Variants in RUNX1 observed in about 807,000 individuals in gnomAD.
The protein encoded by RUNX1 is runt-related transcription factor 1.
RUNX1 carries 19 observed loss-of-function variants against 42.8 expected under a neutral mutation model. That is an observed-to-expected ratio of 0.44 (90% CI 0.31 to 0.65). The LOEUF (loss-of-function observed/expected upper bound fraction) is 0.65, where lower values mean the gene tolerates loss of function less well. Among genes scored for constraint, RUNX1 ranks in the 30% least tolerant of loss-of-function variants. The pLI is 0.07. For missense variants in RUNX1, 528 were observed against 672.0 expected, an observed-to-expected ratio of 0.79 and a Z score of 2.37; for synonymous variants, 271 against 289.4, an observed-to-expected ratio of 0.94 and a Z score of 0.64.
At chr21:34,840,779 T>C (rs2057223250) in intron 6 of RUNX1, among the ~76,000 whole-genome samples, 1 of 152,166 alleles carries the variant, frequency 6.6e-6, no homozygotes, top group South Asian at 2.1e-4. Flanking sequence ...AAGAATTCAC[T>C]CTCCCTCTGC....
chr21:35,021,552 G>T (rs928667547), intron 2 of RUNX1, among the ~76,000 whole-genome samples: 2 of 152,196 alleles, frequency 1.3e-5, no homozygotes, highest in Non-Finnish European at 2.9e-5. Context: ...TCTTCCCCAT[G>T]TCAAGCTCTG....
chr21:34,996,447 T>C (rs1311276754), intron 2 of RUNX1, among the ~76,000 whole-genome samples: 1 of 152,056 alleles, frequency 6.6e-6, no homozygotes, highest in Non-Finnish European at 1.5e-5. Context: ...TCCTCCTGGG[T>C]TCCTGCTGTG....
chr21:34,842,492 C>CAAA (rs371971118), intron 6 of RUNX1, among the ~76,000 whole-genome samples: 907 of 50,878 alleles, frequency 0.018, 5 homozygotes, highest in African/African-American at 0.021. Flanking sequence ...GAGACCTCTC[C>CAAA]AAAAAAAAAA....
chr21:34,978,383 TG>T lies in RUNX1; in HGVS notation c.58+70458del, dbSNP rs112588143. 7.2e-5 allele frequency among the ~76,000 whole-genome samples: 11 copies of T among 152,312 alleles called. 1 individual carries two copies. Among genetic ancestry groups the T allele is most frequent in the African/African-American group, 2.6e-4 (11 of 41,562 alleles). On this transcript the variant is annotated intron_variant, in intron 2 of 8. Coordinates refer to ENST00000675419, the MANE Select transcript of RUNX1 (RefSeq NM_001754.5). Reference sequence around the variant, plus strand: ...AAGTGGTCCTTGTGGAATAAATGAATGGAAATGTTGTTTTACAAATAAAAAA... The same window carrying T: ...AAGTGGTCCTTGTGGAATAAATGAATGAAATGTTGTTTTACAAATAAAAAA...
chr21:34,810,281 T>C (rs1318018313), intron 7 of RUNX1, among the ~76,000 whole-genome samples: 3 of 152,232 alleles, frequency 2.0e-5, no homozygotes, highest in Non-Finnish European at 4.4e-5. Flanking sequence ...GTCTTCTGCT[T>C]CCATATGACA....
intron 2 of RUNX1, among the ~76,000 whole-genome samples, chr21:34,895,998 T>G (rs1300242873): frequency 6.6e-6 from 1 of 151,200 alleles, no homozygotes; most frequent in Non-Finnish European, 1.5e-5. Flanking sequence ...AAGAGGGGAT[T>G]GAGGTGAGGG....
chr21:34,938,765 T>C (rs2058505220), intron 2 of RUNX1, among the ~76,000 whole-genome samples: 1 of 152,184 alleles, frequency 6.6e-6, no homozygotes. Context: ...GTGCTTGATA[T>C]AATCATTTAT....
intron 2 of RUNX1, among the ~76,000 whole-genome samples, chr21:34,923,400 G>A (rs530649063): frequency 1.3e-5 from 2 of 152,234 alleles, no homozygotes; most frequent in African/African-American, 2.4e-5. Context: ...TGATGAGACC[G>A]GCCCTGTTCA....
At chr21:34,942,591 G>A (rs2058535693) in intron 2 of RUNX1, among the ~76,000 whole-genome samples, 1 of 152,176 alleles carries the variant, frequency 6.6e-6, no homozygotes, top group African/African-American at 2.4e-5. Context: ...TAAATACCAG[G>A]ATCAGACACA....
intron 2 of RUNX1, among the ~76,000 whole-genome samples, chr21:34,924,636 A>C (rs142249817): frequency 0.011 from 1,617 of 152,312 alleles, 35 homozygotes; most frequent in African/African-American, 0.036. Context: ...ACCAAAGAGG[A>C]ACGTGGGAGC....
At chr21:34,968,481 T>G (rs1489781412) in intron 2 of RUNX1, among the ~76,000 whole-genome samples, 5 of 152,092 alleles carry the variant, frequency 3.3e-5, no homozygotes, top group African/African-American at 1.2e-4. Context: ...ATCCTCCACA[T>G]CCTCATGAGG....
At chr21:34,971,940 C>A (rs1025435138) in intron 2 of RUNX1, among the ~76,000 whole-genome samples, 2 of 152,172 alleles carry the variant, frequency 1.3e-5, no homozygotes, top group Non-Finnish European at 2.9e-5. Context: ...TGATCTCAGG[C>A]ATGATTTTAA....
intron 6 of RUNX1, among the ~76,000 whole-genome samples, chr21:34,850,816 C>T (rs1161967837): frequency 6.6e-6 from 1 of 151,866 alleles, no homozygotes; most frequent in Non-Finnish European, 1.5e-5. Flanking sequence ...AAAAGTGTAC[C>T]ATTATGGCAA....
intron 2 of RUNX1, among the ~76,000 whole-genome samples, chr21:35,042,763 G>C (rs2059368296): frequency 6.6e-6 from 1 of 152,166 alleles, no homozygotes; most frequent in Non-Finnish European, 1.5e-5. Context: ...GCTCACTCTG[G>C]AACTCCTGCC....
In RUNX1 at chr21:34,834,617, G is replaced by T; in HGVS notation, c.614-16C>A. 1 of 1,579,588 alleles carries T rather than the reference G, an allele frequency of 6.3e-7. No individual in the cohort carries two copies. Among genetic ancestry groups the T allele is most frequent in the South Asian group, 1.1e-5 (1 of 90,406 alleles). On this transcript the variant is annotated splice_polypyrimidine_tract_variant and intron_variant, in intron 6 of 8. Coordinates refer to ENST00000675419, the MANE Select transcript of RUNX1 (RefSeq NM_001754.5). ...TGCCGATGTCCTATTGTGGGGAGCA[G>T]GGAGGGGAGGGGATGGGGGGAGGGA...
chr21:34,827,262 C>T (rs1335511179), intron 7 of RUNX1, among the ~76,000 whole-genome samples: 1 of 152,196 alleles, frequency 6.6e-6, no homozygotes, highest in Admixed American at 6.6e-5. Flanking sequence ...GGAAGAAATA[C>T]TTAAGCAGCA....
At chr21:34,862,933 A>G (rs1258538622) in intron 5 of RUNX1, among the ~76,000 whole-genome samples, 1 of 152,130 alleles carries the variant, frequency 6.6e-6, no homozygotes. Flanking sequence ...CTCTCCTACC[A>G]CCACGCTATC....
At chr21:34,933,733 G>T (rs188258045) in intron 2 of RUNX1, among the ~76,000 whole-genome samples, 2 of 152,268 alleles carry the variant, frequency 1.3e-5, no homozygotes, top group Admixed American at 1.3e-4. Context: ...CCCCGTTCAC[G>T]CACCACTCCA....
chr21:34,936,642 A>G (rs2058487734), intron 2 of RUNX1, among the ~76,000 whole-genome samples: 1 of 152,206 alleles, frequency 6.6e-6, no homozygotes, highest in African/African-American at 2.4e-5. Flanking sequence ...AAAGCAAAAG[A>G]AAGTCTCAGC....
Sources: allele counts gnomAD v4.1 joint callset (sites outside exome capture counted in the v4.1 genomes callset), GRCh38; gene constraint gnomAD v4.1.1; transcripts MANE v1.5; gene names NCBI Gene and HGNC (gene_info 2026-07-23, HGNC 2026-07-21).